NCMAP: variants seen among roughly 807,000 people sequenced by gnomAD.
NCMAP encodes noncompact myelin-associated protein.
Under a neutral mutation model 7.8 loss-of-function variants are expected in NCMAP, and 8 were observed. The observed-to-expected ratio is 1.02, with a 90% confidence interval of 0.60 to 1.84. The LOEUF (loss-of-function observed/expected upper bound fraction) is 1.84. Ranked by LOEUF, NCMAP falls within the 40% of genes most tolerant of loss-of-function variation. NCMAP has a pLI of 0.00. For synonymous variants in NCMAP, 41 were observed against 52.9 expected (o/e 0.78, Z 0.98); for missense variants, 112 against 131.4 (o/e 0.85, Z 0.72).
intron 1 of NCMAP, among the ~76,000 whole-genome samples, chr1:24,571,849 G>A (rs1557594564): frequency 1.3e-5 from 2 of 150,808 alleles, no homozygotes; most frequent in Non-Finnish European, 2.9e-5. Context: ...GCCTCCCAAA[G>A]TGCTGGGATT....
intron 1 of NCMAP, among the ~76,000 whole-genome samples, chr1:24,594,507 G>A (rs796486369): frequency 6.6e-6 from 1 of 152,118 alleles, no homozygotes; most frequent in Non-Finnish European, 1.5e-5. Flanking sequence ...GGATTAAATC[G>A]ATAATATAGT....
chr1:24,583,829 G>A (rs1570527971), intron 1 of NCMAP, among the ~76,000 whole-genome samples: 1 of 152,010 alleles, frequency 6.6e-6, no homozygotes, highest in East Asian at 1.9e-4. Context: ...GACCAGGATT[G>A]CCGAGGACGG....
intron 1 of NCMAP, among the ~76,000 whole-genome samples, chr1:24,590,518 C>T (rs923730213): frequency 2.0e-5 from 3 of 152,158 alleles, no homozygotes; most frequent in Non-Finnish European, 4.4e-5. Context: ...GGCATCTCCC[C>T]TTGAGAGTAG....
Position 24,606,568 on chromosome 1 carries a change from C to T in NCMAP, c.*821C>T, listed in dbSNP as rs1652739502. ...AGCACGCTGACTGTCCTGTTAATGC[C>T]TTCCCTCCAAGGACCAGTATTTGGA... On this transcript the variant is annotated 3_prime_UTR_variant, in exon 4 of 4. Coordinates refer to ENST00000374392, the MANE Select transcript of NCMAP (RefSeq NM_001010980.5). 1.3e-5 allele frequency: 2 copies of T among 152,702 alleles called. No homozygotes were observed. Among genetic ancestry groups the T allele is most frequent in the African/African-American group, 4.8e-5 (2 of 41,414 alleles). 9.5% of individuals were successfully genotyped at this position (152,702 alleles called of 1,614,324 possible).
In NCMAP at chr1:24,604,593, AAAAAAAAAAAAAATATATATATATATAT is replaced by A. The variant is rs1557605228; in HGVS notation, c.168-1011_168-984del. ...CTGTCTAAAAAAAAAAAAAAAAAAAAAAAAAAAAAAAAATATATATATATATATATATATATATATATATATATATATA... is the reference window on the plus strand; with the variant it reads ...CTGTCTAAAAAAAAAAAAAAAAAAAAATATATATATATATATATATATATA... On this transcript the variant is annotated intron_variant, in intron 3 of 3. Coordinates refer to ENST00000374392, the MANE Select transcript of NCMAP (RefSeq NM_001010980.5). Among the ~76,000 whole-genome samples, 6 of 63,728 alleles carry A rather than the reference AAAAAAAAAAAAAATATATATATATATAT, an allele frequency of 9.4e-5. 1 individual carries two copies. The highest frequency in any genetic ancestry group is 2.8e-4 in the African/African-American group (3 of 10,894). 41.8% of individuals were successfully genotyped at this position (63,728 alleles called of 152,430 possible).
chr1:24,589,800 G>A (rs1315203329), intron 1 of NCMAP, among the ~76,000 whole-genome samples: 2 of 152,294 alleles, frequency 1.3e-5, no homozygotes, highest in Middle Eastern at 3.4e-3. Flanking sequence ...CTACGTAAGT[G>A]TGGATAGTTA....
intron 2 of NCMAP, among the ~76,000 whole-genome samples, chr1:24,600,613 C>T (rs1211373083): frequency 1.3e-5 from 2 of 152,208 alleles, no homozygotes; most frequent in Admixed American, 6.5e-5. Context: ...GCTACTTTTG[C>T]ATTATCAAAA....
At position 24,605,668 on chromosome 1, in the gene NCMAP, T is replaced by A. The variant is rs1407826760; in HGVS notation, c.230T>A (p.Val77Glu). The change falls in exon 4 of 4, where the codon GTG (valine) becomes GAG (glutamate). Residue 77 changes from valine (V) to glutamate (E), a missense_variant. By Grantham distance (121) the Val-to-Glu change is moderately radical. Coordinates refer to ENST00000374392, the MANE Select transcript of NCMAP (RefSeq NM_001010980.5). ...KGPKPTAPSA[V>E]GPNSNGSQHP... ...CCCAAGCCAACCGCCCCTTCTGCCGTGGGCCCAAACAGCAACGGCAGCCAA... is the reference window on the plus strand; with the variant it reads ...CCCAAGCCAACCGCCCCTTCTGCCGAGGGCCCAAACAGCAACGGCAGCCAA... 1 of 1,613,976 alleles carries A rather than the reference T, an allele frequency of 6.2e-7. No individual in the cohort carries two copies. Among genetic ancestry groups the A allele is most frequent in the African/African-American group, 1.3e-5 (1 of 74,902 alleles).
At chr1:24,605,531 A>G in intron 3 of NCMAP, 75 bp from the exon 4 acceptor site, 2 of 1,532,358 alleles carry the variant, frequency 1.3e-6, no homozygotes, top group South Asian at 1.2e-5. Flanking sequence ...GTTGGCCAGA[A>G]CTGTAGTCGC....
At chr1:24,604,593 AAAAAAAAAAAAAATATATATATATAT>A (rs1557605225) in intron 3 of NCMAP, among the ~76,000 whole-genome samples, 3 of 63,724 alleles carry the variant, frequency 4.7e-5, no homozygotes, top group African/African-American at 1.8e-4. Context: ...AAAAAAAAAA[AAAAAAAAAAAAAATATATATATATAT>A]ATATATATAT....
At chr1:24,598,954 G>C (rs1028936563) in intron 2 of NCMAP, among the ~76,000 whole-genome samples, 5 of 151,490 alleles carry the variant, frequency 3.3e-5, no homozygotes, top group African/African-American at 1.2e-4. Flanking sequence ...GATATTTTCA[G>C]TATCAATTCC....
chr1:24,567,802 T>C (rs572852907), intron 1 of NCMAP, among the ~76,000 whole-genome samples: 1 of 152,042 alleles, frequency 6.6e-6, no homozygotes, highest in Non-Finnish European at 1.5e-5. Context: ...GGACAAACCT[T>C]GGGAAAACTC....
At chr1:24,597,223 T>C (rs889111977) in intron 2 of NCMAP, among the ~76,000 whole-genome samples, 9 of 151,990 alleles carry the variant, frequency 5.9e-5, no homozygotes, top group African/African-American at 2.2e-4. Context: ...TAGTGGTTCT[T>C]GGCCGGGCAC....
chr1:24,562,342 A>G (rs1651078866), intron 1 of NCMAP, among the ~76,000 whole-genome samples: 1 of 152,184 alleles, frequency 6.6e-6, no homozygotes. Flanking sequence ...AATGAGTGCT[A>G]TTATCATCTC....
At chr1:24,573,952 C>CAAAAAAAAAAA (rs78594011) in intron 1 of NCMAP, among the ~76,000 whole-genome samples, 4,471 of 84,170 alleles carry the variant, frequency 0.053, 393 homozygotes, top group East Asian at 0.098. Flanking sequence ...CCAGAGAGGA[C>CAAAAAAAAAAA]AAAAAAAAAA....
At chr1:24,570,068 A>C (rs980441180) in intron 1 of NCMAP, among the ~76,000 whole-genome samples, 1 of 149,412 alleles carries the variant, frequency 6.7e-6, no homozygotes, top group Non-Finnish European at 1.5e-5. Flanking sequence ...TCCCACCTCA[A>C]CCTCTAGATG....
intron 2 of NCMAP, among the ~76,000 whole-genome samples, chr1:24,595,875 A>T (rs528096461): frequency 7.2e-4 from 102 of 142,644 alleles, no homozygotes; most frequent in Middle Eastern, 4.3e-3. Flanking sequence ...TACAATGGGG[A>T]TATTAAAGAA....
intron 1 of NCMAP, among the ~76,000 whole-genome samples, chr1:24,592,161 A>G (rs1409974314): frequency 6.6e-6 from 1 of 152,218 alleles, no homozygotes; most frequent in Non-Finnish European, 1.5e-5. Flanking sequence ...AGTTTGGCAG[A>G]GGGTGGTGTG....
At chr1:24,583,890 G>C (rs1557598546) in intron 1 of NCMAP, among the ~76,000 whole-genome samples, 1 of 152,122 alleles carries the variant, frequency 6.6e-6, no homozygotes, top group Non-Finnish European at 1.5e-5. Context: ...CTGACCTGCT[G>C]TTAGATTTTG....
Sources: gnomAD v4.1 joint callset for allele counts (sites outside exome capture counted in the v4.1 genomes callset) on GRCh38, gnomAD v4.1.1 for gene constraint, MANE v1.5 for transcripts, NCBI Gene and HGNC (gene_info 2026-07-23, HGNC 2026-07-21) for gene names.